ACP4: variants seen among roughly 807,000 people sequenced by gnomAD.
ACP4 encodes acid phosphatase 4.
ACP4 carries 49 observed loss-of-function variants against 47.3 expected under a neutral mutation model. That is an observed-to-expected ratio of 1.04 (90% CI 0.82 to 1.32). The LOEUF is 1.32. ACP4 is among the 40% of genes most tolerant of loss of function. The pLI is 0.00. For missense variants in ACP4, 594 were observed against 579.3 expected, an observed-to-expected ratio of 1.03 and a Z score of -0.26; for synonymous variants, 299 against 265.3, an observed-to-expected ratio of 1.13 and a Z score of -1.23.
chr19:50,794,431 G>A (rs774646337), intron 8 of ACP4, 26 bp from the exon 9 acceptor site: 41 of 1,612,148 alleles, frequency 2.5e-5, no homozygotes, highest in Non-Finnish European at 2.9e-5. Context: ...GAGAAGTGCC[G>A]TCTCAGCCCT....
intron 4 of ACP4, 103 bp downstream of exon 4, chr19:50,791,905 T>C: frequency 1.4e-6 from 2 of 1,480,442 alleles, no homozygotes; most frequent in Non-Finnish European, 1.8e-6. Flanking sequence ...AAGACTGTCC[T>C]CGAGCTGGTC....
intron 8 of ACP4, 146 bp from the exon 9 acceptor site, chr19:50,794,311 T>C: frequency 8.3e-7 from 1 of 1,197,620 alleles, no homozygotes; most frequent in Admixed American, 2.5e-5. Flanking sequence ...CTGCAAATGT[T>C]GGTACTGCCT....
chr19:50,794,726 C>T (rs1599913230), intron 9 of ACP4, 60 bp from the exon 10 acceptor site: 1 of 1,572,240 alleles, frequency 6.4e-7, no homozygotes, highest in East Asian at 2.2e-5. Context: ...AAGCCCTTTT[C>T]TCCAGGCTTT....
At chr19:50,792,041 G>A (rs563921414) in intron 4 of ACP4, 32 bp from the exon 5 acceptor site, 10 of 1,547,364 alleles carry the variant, frequency 6.5e-6, no homozygotes, top group South Asian at 2.4e-5. Flanking sequence ...CAAGGCACAC[G>A]GCTGTCCTCT....
In ACP4 at chr19:50,795,056, C is replaced by T; in HGVS notation, c.1179C>T (p.Pro393=). 3 of 1,607,486 alleles carry T rather than the reference C, an allele frequency of 1.9e-6. No homozygotes were observed. The highest frequency in any genetic ancestry group is 2.2e-5 in the South Asian group (2 of 90,434). ...TTCTCCCTGCAGCTCCAGTGGTGCCCCTGCTGGCCGGAGCTGTAGCTGTGC... is the reference window on the plus strand; with the variant it reads ...TTCTCCCTGCAGCTCCAGTGGTGCCTCTGCTGGCCGGAGCTGTAGCTGTGC... ...EAAIPPAPVV[P]LLAGAVAVLV... is the part of the protein sequence containing the mutation. Residue 393 remains proline (P), a synonymous_variant, in exon 11 of 11, where the codon CCC becomes CCT. Coordinates refer to ENST00000270593, the MANE Select transcript of ACP4 (RefSeq NM_033068.3).
rs1414205719 is a variant in ACP4, at chr19:50,791,723, T to C, written c.371T>C (p.Phe124Ser). The C allele has an allele frequency of 1.2e-6, 2 of 1,613,224 alleles. No individual in the cohort carries two copies. Among genetic ancestry groups the C allele is most frequent in the Non-Finnish European group, 1.7e-6 (2 of 1,179,890 alleles). The change falls in exon 4 of 11, where the codon TTT (phenylalanine) becomes TCT (serine). Residue 124 changes from phenylalanine (F) to serine (S), a missense_variant. By Grantham distance (155) the Phe-to-Ser change is radical (BLOSUM62 -2). Transcript: ENST00000270593. Reference protein sequence around the residue: ...ESAQANLAGLFPEAAPGSPEA... With the variant: ...ESAQANLAGLSPEAAPGSPEA... ...GCCCAGGCCAACCTTGCCGGGCTGT[T>C]TCCCGAGGCTGCTCCAGGGAGCCCC...
At position 50,791,649 on chromosome 19, in the gene ACP4, G is replaced by T. The variant is rs368636631; in HGVS notation, c.304-7G>T. 1.9e-6 allele frequency: 3 copies of T among 1,607,126 alleles called. No homozygotes were observed. Among genetic ancestry groups the T allele is most frequent in the Non-Finnish European group, 2.6e-6 (3 of 1,175,466 alleles). ...CCCCCGCGTGCCCTCTCTCCACCCC[G>T]CTCCAGGTGTACATCCGCAGCACGG... On this transcript the variant is annotated splice_polypyrimidine_tract_variant and splice_region_variant and intron_variant, in intron 3 of 10. Transcript: ENST00000270593.
chr19:50,790,445 G>C lies in ACP4; in HGVS notation c.31G>C (p.Ala11Pro), dbSNP rs1190260306. The change falls in exon 1 of 11, where the codon GCT (alanine) becomes CCT (proline). Residue 11 changes from alanine (A) to proline (P), a missense_variant. Ala to Pro is a conservative substitution (Grantham distance 27, BLOSUM62 -1). Coordinates refer to ENST00000270593, the MANE Select transcript of ACP4 (RefSeq NM_033068.3). MAGLGFWGHP[A>P]GPLLLLLLLV... The stretch of plus-strand genomic sequence containing the variant: ...CGGCCTGGGGTTTTGGGGCCACCCT[G>C]CTGGACCTCTCCTGCTGCTGCTGCT... 1 of 1,587,274 alleles carries C rather than the reference G, an allele frequency of 6.3e-7. No homozygotes were observed.
intron 3 of ACP4, among the ~76,000 whole-genome samples, chr19:50,791,066 A>G (rs1323188859): frequency 6.6e-6 from 1 of 151,428 alleles, no homozygotes; most frequent in Non-Finnish European, 1.5e-5. Context: ...TCGACCTCTG[A>G]CCTCCATCAA....
chr19:50,793,700 C>G lies in ACP4; in HGVS notation c.662C>G (p.Pro221Arg), dbSNP rs148032925. Residue 221 changes from proline (P) to arginine (R), a missense_variant, in exon 7 of 11, where the codon CCA becomes CGA. Coordinates refer to ENST00000270593, the MANE Select transcript of ACP4 (RefSeq NM_033068.3). ...TCCCCACAGCAAGCCCACGGTCTTC[C>G]ACTACCAGCCTGGGCCTCCCCAGAT... Reference protein sequence around the residue: ...TLMCQQAHGLPLPAWASPDVL... With the variant: ...TLMCQQAHGLRLPAWASPDVL... 1.5e-5 allele frequency: 24 copies of G among 1,613,426 alleles called. No homozygotes were observed. The African/African-American group carries it at 3.2e-4, about 22-fold the overall frequency.
intron 6 of ACP4, chr19:50,792,846 C>T (rs1225008537): frequency 6.6e-6 from 1 of 152,150 alleles, no homozygotes. Context: ...TCATGCCTGG[C>T]TAATTAAAAA....
In ACP4 at chr19:50,793,981, G is replaced by C; in HGVS notation, c.861+11G>C. ...GTCATGTACTCAGCTGTGAGTCCTT[G>C]GGAAGCAGTGCCACATGGCACTGAG... On this transcript the variant is annotated intron_variant, in intron 8 of 10. Coordinates refer to ENST00000270593, the MANE Select transcript of ACP4 (RefSeq NM_033068.3). 1 of 1,613,846 alleles carries C rather than the reference G, an allele frequency of 6.2e-7. No homozygotes were observed.
intron 9 of ACP4, 68 bp downstream of exon 9, chr19:50,794,649 G>C: frequency 6.2e-7 from 1 of 1,610,724 alleles, no homozygotes; most frequent in Non-Finnish European, 8.5e-7. Flanking sequence ...TGATGTGTCA[G>C]GCAGAGGGCA....
chr19:50,792,345 C>T lies in ACP4; in HGVS notation c.645+8C>T. The T allele has an allele frequency of 6.2e-6, 10 of 1,612,656 alleles. No individual in the cohort carries two copies. Among genetic ancestry groups the T allele is most frequent in the Non-Finnish European group, 8.5e-6 (10 of 1,179,830 alleles). ...GACACCCTCATGTGCCAGGTGAGCCCTGCCCCTTCCCAGCCAAGGGTTTAA... is the reference window on the plus strand; with the variant it reads ...GACACCCTCATGTGCCAGGTGAGCCTTGCCCCTTCCCAGCCAAGGGTTTAA... On this transcript the variant is annotated splice_region_variant and intron_variant, in intron 6 of 10. Transcript: ENST00000270593.
intron 6 of ACP4, chr19:50,793,287 A>C (rs2089525451): frequency 5.3e-6 from 1 of 188,148 alleles, no homozygotes; most frequent in Non-Finnish European, 1.1e-5. Context: ...AGGTGGGCAG[A>C]TCACCTGAGG....
In ACP4 at chr19:50,791,765, C is replaced by G; in HGVS notation, c.413C>G (p.Pro138Arg). 1 of 1,612,300 alleles carries G rather than the reference C, an allele frequency of 6.2e-7. No individual in the cohort carries two copies. Among genetic ancestry groups the G allele is most frequent in the Non-Finnish European group, 8.5e-7 (1 of 1,179,600 alleles). Residue 138 changes from proline (P) to arginine (R), a missense_variant, in exon 4 of 11, where the codon CCG (proline) becomes CGG (arginine). Physicochemically the swap from Pro to Arg is moderately radical, Grantham distance 103. Transcript: ENST00000270593. ...GGGAGCCCCGAGGCCCGCTGGAGGC[C>G]GATCCCGGTGCACACGGTGCCCGTG... is the stretch of plus-strand genomic sequence containing the variant. ...APGSPEARWR[P>R]IPVHTVPVAE...
chr19:50,792,014 C>T (rs1164656729), intron 4 of ACP4, 59 bp from the exon 5 acceptor site: 15 of 1,509,082 alleles, frequency 9.9e-6, no homozygotes, highest in South Asian at 7.4e-5. Context: ...TCCCCCGACC[C>T]GCTGTGAGAC....
At position 50,790,596 on chromosome 19, in the gene ACP4, A is replaced by C. The variant is rs888020564; in HGVS notation, c.114A>C (p.Val38=). Residue 38 remains valine, a splice_region_variant and synonymous_variant, in exon 2 of 11, where the codon GTA becomes GTC. Transcript: ENST00000270593. The part of the protein sequence containing the change: ...PEGPLVFVAL[V]FRHGDRAPLA... ...GCCCTGACCAGTCCTGTCCCCAGGT[A>C]TTCCGCCATGGCGACCGGGCCCCGC... is the stretch of plus-strand genomic sequence containing the variant. 1 of 1,550,264 alleles carries C rather than the reference A, an allele frequency of 6.5e-7. No individual in the cohort carries two copies. Among genetic ancestry groups the C allele is most frequent in the Admixed American group, 2.0e-5 (1 of 51,242 alleles).
intron 8 of ACP4, 129 bp from the exon 9 acceptor site, chr19:50,794,328 T>A: frequency 7.5e-7 from 1 of 1,333,374 alleles, no homozygotes. Context: ...GCCTTCAGGA[T>A]GGGAGGAAGG....
Sources: allele counts gnomAD v4.1 joint callset (sites outside exome capture counted in the v4.1 genomes callset), GRCh38; gene constraint gnomAD v4.1.1; transcripts MANE v1.5; gene names NCBI Gene and HGNC (gene_info 2026-07-23, HGNC 2026-07-21).